Variants in LPP observed in about 807,000 individuals in gnomAD.
LPP encodes the protein lipoma-preferred partner.
In LPP, 38 loss-of-function variants were observed where a neutral mutation model predicts 60.4. The ratio of observed to expected loss-of-function variants is 0.63; its 90% CI spans 0.49 to 0.83. The LOEUF is 0.83. Ranked by LOEUF, LPP falls within the 40% of genes least tolerant of loss-of-function variation. The pLI, the probability that LPP is intolerant of heterozygous loss-of-function variation, is 0.00. For missense variants in LPP, 902 were observed against 783.6 expected, an observed-to-expected ratio of 1.15 and a Z score of -1.80; for synonymous variants, 328 against 290.8, an observed-to-expected ratio of 1.13 and a Z score of -1.30.
chr3:188,494,968 G>A (rs1809503583), intron 5 of LPP, among the ~76,000 whole-genome samples: 1 of 148,188 alleles, frequency 6.7e-6, no homozygotes, highest in African/African-American at 2.5e-5. Flanking sequence ...TCTCTGTGCT[G>A]GGTTTTGCCA....
In LPP at chr3:188,186,006, G is replaced by A. The variant is rs373967905; in HGVS notation, c.-190+31754G>A. Among the ~76,000 whole-genome samples the A allele has an allele frequency of 3.8e-4, 58 of 152,256 alleles. 1 individual carries two copies. The South Asian group carries it at 5.2e-3, about 14-fold the overall frequency. The stretch of plus-strand genomic sequence containing the variant: ...CCTGAGAGAAGAAAAGCTGGTGTAG[G>A]AAAGGAGTGTCAGGCCTGCGGCTTC... On this transcript the variant is annotated intron_variant, in intron 1 of 11. Transcript: ENST00000617246.
At chr3:188,362,470 G>T (rs1371768058) in intron 3 of LPP, among the ~76,000 whole-genome samples, 1 of 152,074 alleles carries the variant, frequency 6.6e-6, no homozygotes, top group Non-Finnish European at 1.5e-5. Context: ...TACTCTCACT[G>T]CCATACTCCT....
intron 8 of LPP, chr3:188,711,605 T>G (rs540695492): frequency 7.2e-5 from 11 of 152,160 alleles, no homozygotes; most frequent in Admixed American, 7.2e-4. Flanking sequence ...CCAGGATTAT[T>G]TAAAGAAAAT....
Position 188,400,474 on chromosome 3 carries a change from C to A in LPP, c.-9-5638C>A, listed in dbSNP as rs1781984277. Among the ~76,000 whole-genome samples the A allele has an allele frequency of 3.9e-5, 6 of 152,250 alleles. No homozygotes were observed. The South Asian group carries it at 1.2e-3, about 32-fold the overall frequency. ...GAAAATTTGCTAGACATATAATAAA[C>A]CTTCAATAAACACTTGTTTATTGTC... On this transcript the variant is annotated intron_variant, in intron 3 of 11. Coordinates refer to ENST00000617246, the MANE Select transcript of LPP (RefSeq NM_001375462.1).
intron 4 of LPP, among the ~76,000 whole-genome samples, chr3:188,484,337 C>T (rs528952912): frequency 8.5e-5 from 13 of 152,280 alleles, no homozygotes; most frequent in East Asian, 1.9e-4. Context: ...GCTCATTCTT[C>T]GCTTTGCTTA....
At chr3:188,310,696 AT>A (rs1357402954) in intron 2 of LPP, among the ~76,000 whole-genome samples, 1 of 152,166 alleles carries the variant, frequency 6.6e-6, no homozygotes, top group Non-Finnish European at 1.5e-5. Flanking sequence ...GGCATTTAGA[AT>A]TTGAGTTTAT....
At chr3:188,302,841 A>G (rs1343202540) in intron 2 of LPP, among the ~76,000 whole-genome samples, 6 of 152,188 alleles carry the variant, frequency 3.9e-5, no homozygotes, top group Middle Eastern at 3.2e-3. Context: ...TAACTTTTCC[A>G]TAGGTTTGAA....
At position 188,519,785 on chromosome 3, in the gene LPP, G is replaced by T. The variant is rs568807706; in HGVS notation, c.307-4880G>T. Reference sequence around the variant, plus strand: ...ACTGATGAATCTGGGTGAAGGATGGGTGAGTGGAGTTTATTTTAATAGTTG... The same window carrying T: ...ACTGATGAATCTGGGTGAAGGATGGTTGAGTGGAGTTTATTTTAATAGTTG... On this transcript the variant is annotated intron_variant, in intron 5 of 11. Transcript: ENST00000617246. Among the ~76,000 whole-genome samples, 32 of 152,284 alleles carry T rather than the reference G, an allele frequency of 2.1e-4. No individual in the cohort carries two copies. In the South Asian group the frequency reaches 6.6e-3, roughly 32 times the overall value.
intron 5 of LPP, among the ~76,000 whole-genome samples, chr3:188,491,306 C>T (rs559484904): frequency 2.0e-5 from 3 of 152,204 alleles, no homozygotes; most frequent in South Asian, 4.2e-4. Flanking sequence ...AAAGAGATGT[C>T]GGCTGTGGAG....
intron 6 of LPP, among the ~76,000 whole-genome samples, chr3:188,564,373 A>G (rs983627734): frequency 2.5e-4 from 38 of 152,200 alleles, no homozygotes; most frequent in African/African-American, 9.1e-4. Flanking sequence ...CCTCACGGAT[A>G]ATTCCCAAAT....
At chr3:188,733,377 G>T (rs1217302003) in intron 8 of LPP, among the ~76,000 whole-genome samples, 2 of 151,734 alleles carry the variant, frequency 1.3e-5, no homozygotes, top group Non-Finnish European at 2.9e-5. Flanking sequence ...CAAAGCCTCT[G>T]TAGAAAACAG....
At chr3:188,426,145 T>C (rs1030152887) in intron 4 of LPP, among the ~76,000 whole-genome samples, 1 of 152,168 alleles carries the variant, frequency 6.6e-6, no homozygotes, top group African/African-American at 2.4e-5. Flanking sequence ...AATTGTGACA[T>C]GTTGTGTCTT....
chr3:188,422,451 A>G lies in LPP; in HGVS notation c.193+16138A>G, dbSNP rs561243833. Among the ~76,000 whole-genome samples the G allele has an allele frequency of 6.4e-4, 98 of 152,230 alleles. 1 individual carries two copies. Among genetic ancestry groups the G allele is most frequent in the South Asian group, 2.3e-3 (11 of 4,824 alleles). ...CTAGAACTGTGTTCAATACCCAAAG[A>G]CACAGCTTTTTCTTTGATATAATAA... On this transcript the variant is annotated intron_variant, in intron 4 of 11. Coordinates refer to ENST00000617246, the MANE Select transcript of LPP (RefSeq NM_001375462.1).
chr3:188,706,727 A>G (rs62290053), intron 7 of LPP, among the ~76,000 whole-genome samples: 8,602 of 152,242 alleles, frequency 0.057, 309 homozygotes, highest in Non-Finnish European at 0.086. Context: ...ATAATAGGAG[A>G]ATGAATATGT....
intron 4 of LPP, among the ~76,000 whole-genome samples, chr3:188,471,440 A>G (rs1443315593): frequency 6.6e-6 from 1 of 152,228 alleles, no homozygotes; most frequent in Non-Finnish European, 1.5e-5. Flanking sequence ...GTGGCAAAGG[A>G]GATGCAGAGC....
chr3:188,462,600 G>A (rs1175496791), intron 4 of LPP, among the ~76,000 whole-genome samples: 36 of 109,514 alleles, frequency 3.3e-4, no homozygotes, highest in African/African-American at 7.2e-4. Context: ...GTGTGTGTGT[G>A]TGTGTGTGTG....
chr3:188,766,401 T>G (rs918630574), intron 9 of LPP, among the ~76,000 whole-genome samples: 1 of 100,694 alleles, frequency 9.9e-6, no homozygotes, highest in African/African-American at 3.3e-5. Context: ...TTAAAAATAT[T>G]TATAACAACT....
intron 4 of LPP, among the ~76,000 whole-genome samples, chr3:188,481,301 A>G (rs189591153): frequency 2.8e-4 from 42 of 152,300 alleles, no homozygotes; most frequent in African/African-American, 9.1e-4. Context: ...CTCTCTAAGG[A>G]ATGCAGTAAG....
intron 6 of LPP, among the ~76,000 whole-genome samples, chr3:188,593,513 G>A (rs1299968038): frequency 2.6e-5 from 4 of 151,962 alleles, no homozygotes; most frequent in African/African-American, 9.7e-5. Context: ...TTCTTTAACG[G>A]ACATTTGTGA....
Sources: allele counts gnomAD v4.1 joint callset (sites outside exome capture counted in the v4.1 genomes callset), GRCh38; gene constraint gnomAD v4.1.1; transcripts MANE v1.5; gene names NCBI Gene and HGNC (gene_info 2026-07-23, HGNC 2026-07-21).